Variants in MTUS2 observed in about 807,000 individuals in gnomAD.
MTUS2 encodes microtubule associated scaffold protein 2.
In MTUS2, 40 loss-of-function variants were observed where a neutral mutation model predicts 114.1. That is an observed-to-expected ratio of 0.35 (90% CI 0.27 to 0.46). The LOEUF (loss-of-function observed/expected upper bound fraction) is 0.46, where lower values mean the gene tolerates loss of function less well. Ranked by LOEUF, MTUS2 falls within the 20% of genes least tolerant of loss-of-function variation. The pLI is 1.00. For synonymous variants in MTUS2, 688 were observed against 672.0 expected, an observed-to-expected ratio of 1.02 and a Z score of -0.37; for missense variants, 1,679 against 1,705.4, an observed-to-expected ratio of 0.98 and a Z score of 0.27.
chr13:29,189,190 G>A (rs1161759712), intron 5 of MTUS2, among the ~76,000 whole-genome samples: 1 of 152,234 alleles, frequency 6.6e-6, no homozygotes, highest in African/African-American at 2.4e-5. Context: ...CCTAGAAGGT[G>A]TGGCACACAG....
chr13:29,051,394 A>G (rs1030275923), intron 4 of MTUS2, among the ~76,000 whole-genome samples: 8 of 151,546 alleles, frequency 5.3e-5, no homozygotes, highest in Admixed American at 2.0e-4. Flanking sequence ...AATATGAAGA[A>G]CTCCCTTTTG....
At chr13:28,956,966 G>A (rs527555534) in intron 2 of MTUS2, among the ~76,000 whole-genome samples, 1 of 152,020 alleles carries the variant, frequency 6.6e-6, no homozygotes, top group South Asian at 2.1e-4. Context: ...AGGGAAGAAG[G>A]CTGCCCTAGA....
In MTUS2 at chr13:29,054,197, G is replaced by A. The variant is rs561892849; in HGVS notation, c.2446+20072G>A. Among the ~76,000 whole-genome samples the A allele has an allele frequency of 2.0e-5, 3 of 152,066 alleles. No individual in the cohort carries two copies. The South Asian group carries it at 6.2e-4, about 32-fold the overall frequency. Reference sequence around the variant, plus strand: ...TGAACAGCTTTTTTTGTGTTTATTTGTATTCATATATCTTCTTTGGTGAAG... The same window carrying A: ...TGAACAGCTTTTTTTGTGTTTATTTATATTCATATATCTTCTTTGGTGAAG... On this transcript the variant is annotated intron_variant, in intron 4 of 15. Transcript: ENST00000612955.
At chr13:28,950,079 A>C (rs1180309056) in intron 2 of MTUS2, among the ~76,000 whole-genome samples, 11 of 152,202 alleles carry the variant, frequency 7.2e-5, no homozygotes, top group Admixed American at 7.2e-4. Flanking sequence ...ACAGTGCACA[A>C]GGGTTCCAAT....
At chr13:29,275,861 ATTTCT>A (rs1593251257) in intron 5 of MTUS2, among the ~76,000 whole-genome samples, 1 of 152,108 alleles carries the variant, frequency 6.6e-6, no homozygotes, top group Admixed American at 6.5e-5. Flanking sequence ...CAATACACTG[ATTTCT>A]TTTCTTTTGG....
chr13:29,379,204 C>A (rs1593372606), intron 8 of MTUS2, among the ~76,000 whole-genome samples: 1 of 152,194 alleles, frequency 6.6e-6, no homozygotes, highest in Non-Finnish European at 1.5e-5. Flanking sequence ...CAGACTAATA[C>A]ACTTCACTTG....
intron 8 of MTUS2, among the ~76,000 whole-genome samples, chr13:29,401,637 T>G (rs1345575865): frequency 6.6e-6 from 1 of 152,186 alleles, no homozygotes; most frequent in Non-Finnish European, 1.5e-5. Flanking sequence ...AATGCCACCC[T>G]TATTATAGCA....
chr13:28,985,062 T>C lies in MTUS2; in HGVS notation c.-242-39395T>C, dbSNP rs568770628. 2.6e-5 allele frequency among the ~76,000 whole-genome samples: 4 copies of C among 152,324 alleles called. No individual in the cohort carries two copies. The East Asian group carries it at 7.7e-4, about 29-fold the overall frequency. ...CTTTTATTTTGGAATGGCTGAGGAA[T>C]GCCCCAGATTAGGAGAAGATTCCAA... On this transcript the variant is annotated intron_variant, in intron 2 of 15. Coordinates refer to ENST00000612955, the MANE Select transcript of MTUS2 (RefSeq NM_001033602.4).
chr13:29,329,075 C>T (rs9578081), intron 7 of MTUS2, among the ~76,000 whole-genome samples: 28,509 of 151,980 alleles, frequency 0.19, 2,755 homozygotes, highest in Middle Eastern at 0.22. Flanking sequence ...TTGCATGCAG[C>T]TCATTATATT....
At chr13:29,374,159 A>G (rs1871402008) in intron 8 of MTUS2, among the ~76,000 whole-genome samples, 1 of 144,902 alleles carries the variant, frequency 6.9e-6, no homozygotes, top group South Asian at 2.2e-4. Context: ...TGAACAACAG[A>G]AAGAAAATAA....
chr13:28,936,907 AGTT>A (rs1479108985), intron 2 of MTUS2, among the ~76,000 whole-genome samples: 3 of 152,068 alleles, frequency 2.0e-5, no homozygotes, highest in African/African-American at 7.2e-5. Flanking sequence ...GCTACTTGGG[AGTT>A]CCGGTTTGTT....
Position 29,457,819 on chromosome 13 carries a change from CTTG to C in MTUS2, c.3184+17779_3184+17781del, listed in dbSNP as rs770575768. 2.4e-4 allele frequency among the ~76,000 whole-genome samples: 37 copies of C among 152,224 alleles called. 1 individual carries two copies. The highest frequency in any genetic ancestry group is 5.5e-4 in the African/African-American group (23 of 41,546). On this transcript the variant is annotated intron_variant, in intron 9 of 15. Transcript: ENST00000612955. The stretch of plus-strand genomic sequence containing the variant: ...CTTGCCAACATTTGTCAGTAATTTT[CTTG>C]TTGTTGTTTTAGTCATTCTAGTAAG...
At chr13:29,290,770 G>A (rs1898677155) in intron 6 of MTUS2, among the ~76,000 whole-genome samples, 1 of 152,242 alleles carries the variant, frequency 6.6e-6, no homozygotes, top group Admixed American at 6.5e-5. Flanking sequence ...CTCTGCTCAC[G>A]AGTTTAGTTG....
At position 29,237,439 on chromosome 13, in the gene MTUS2, C is replaced by T. The variant is rs565222487; in HGVS notation, c.2645-44265C>T. Among the ~76,000 whole-genome samples, 129 of 152,272 alleles carry T rather than the reference C, an allele frequency of 8.5e-4. No individual in the cohort carries two copies. In the Middle Eastern group the frequency reaches 0.02, roughly 24 times the overall value. On this transcript the variant is annotated intron_variant, in intron 5 of 15. Coordinates refer to ENST00000612955, the MANE Select transcript of MTUS2 (RefSeq NM_001033602.4). Reference sequence around the variant, plus strand: ...TTCAGCTGATTCCACCACCCTGCCCCCAAGCAGATTTCACGCTTCTCTGCT... The same window carrying T: ...TTCAGCTGATTCCACCACCCTGCCCTCAAGCAGATTTCACGCTTCTCTGCT...
rs549874964 is a variant in MTUS2, at chr13:29,177,543, T to C, written c.2644+76573T>C. Among the ~76,000 whole-genome samples the C allele has an allele frequency of 2.1e-5, 3 of 145,106 alleles. No individual in the cohort carries two copies. The South Asian group carries it at 6.2e-4, about 30-fold the overall frequency. On this transcript the variant is annotated intron_variant, in intron 5 of 15. Transcript: ENST00000612955. ...ATCTCAGAACCTTTTTCACCAGGCC[T>C]GGAACCCTTCACTAGTCGACACAGT...
At chr13:29,307,943 T>A (rs534283559) in intron 6 of MTUS2, among the ~76,000 whole-genome samples, 57 of 152,244 alleles carry the variant, frequency 3.7e-4, no homozygotes, top group Middle Eastern at 3.4e-3. Flanking sequence ...CCCCACCTTG[T>A]CATGTACCAT....
intron 2 of MTUS2, among the ~76,000 whole-genome samples, chr13:29,014,917 G>C (rs1349024752): frequency 6.6e-6 from 1 of 152,242 alleles, no homozygotes; most frequent in Admixed American, 6.5e-5. Context: ...GCTTCCATGG[G>C]AGATGCATTC....
chr13:29,337,771 T>TTTTG (rs202103955), intron 7 of MTUS2, among the ~76,000 whole-genome samples: 25,714 of 145,838 alleles, frequency 0.18, 2,435 homozygotes, highest in Non-Finnish European at 0.21. Context: ...CTGGCTAATT[T>TTTTG]TTTGTTTGTT....
At chr13:29,047,339 G>A (rs1417222172) in intron 4 of MTUS2, among the ~76,000 whole-genome samples, 11 of 152,088 alleles carry the variant, frequency 7.2e-5, no homozygotes, top group African/African-American at 1.2e-4. Flanking sequence ...TCCAGCCTTC[G>A]TGATAGCAGA....
Sources: allele counts gnomAD v4.1 joint callset (sites outside exome capture counted in the v4.1 genomes callset), GRCh38; gene constraint gnomAD v4.1.1; transcripts MANE v1.5; gene names NCBI Gene and HGNC (gene_info 2026-07-23, HGNC 2026-07-21).